The following HSD17B3 variants were observed in gnomAD, a reference collection of about 807,000 sequenced individuals.
The protein encoded by HSD17B3 is 17-beta-hydroxysteroid dehydrogenase type 3.
Under a neutral mutation model 41.1 loss-of-function variants are expected in HSD17B3, and 29 were observed. That is an observed-to-expected ratio of 0.71 (90% CI 0.53 to 0.96). The LOEUF (loss-of-function observed/expected upper bound fraction) is 0.96, where lower values mean the gene tolerates loss of function less well. Ranked by LOEUF, HSD17B3 falls within the 40% of genes least tolerant of loss-of-function variation. HSD17B3 has a pLI of 0.00. For synonymous variants in HSD17B3, 126 were observed against 145.6 expected (o/e 0.87, Z 0.97); for missense variants, 323 against 374.6 (o/e 0.86, Z 1.14).
chr9:96,242,005 G>GAAAGAAAGAAAGAAAGAGAA (rs10639457), intron 9 of HSD17B3, among the ~76,000 whole-genome samples: 1 of 68,530 alleles, frequency 1.5e-5, no homozygotes, highest in African/African-American at 5.9e-5. Context: ...AAGAAAGAAA[G>GAAAGAAAGAAAGAAAGAGAA]AGAAAGAAAA....
chr9:96,262,532 C>G (rs2130746790), intron 2 of HSD17B3, among the ~76,000 whole-genome samples: 1 of 152,108 alleles, frequency 6.6e-6, no homozygotes, highest in South Asian at 2.1e-4. Context: ...GTGTGAGCCA[C>G]CACACCCAGC....
At chr9:96,291,426 A>G (rs1827152898) in intron 2 of HSD17B3, among the ~76,000 whole-genome samples, 1 of 149,908 alleles carries the variant, frequency 6.7e-6, no homozygotes, top group South Asian at 2.1e-4. Flanking sequence ...GGTAGAAACT[A>G]GTCAGTTCCC....
At chr9:96,250,579 T>C in intron 5 of HSD17B3, 2 of 638,142 alleles carry the variant, frequency 3.1e-6, no homozygotes, top group Non-Finnish European at 2.0e-6. Context: ...GGTCAACAAA[T>C]TGTGCCTTCA....
chr9:96,260,001 T>C (rs774334522), intron 2 of HSD17B3, among the ~76,000 whole-genome samples: 10 of 152,188 alleles, frequency 6.6e-5, no homozygotes, highest in Non-Finnish European at 1.0e-4. Flanking sequence ...TCCTATACAA[T>C]GTTAAGCAGT....
intron 2 of HSD17B3, among the ~76,000 whole-genome samples, chr9:96,282,974 A>AGCACAACAG (rs1826754969): frequency 6.6e-6 from 1 of 150,998 alleles, no homozygotes; most frequent in East Asian, 1.9e-4. Flanking sequence ...TTGGAATAAA[A>AGCACAACAG]GCACAACAGG....
chr9:96,298,441 C>T lies in HSD17B3; in HGVS notation c.176G>A (p.Gly59Glu). 1 of 1,613,872 alleles carries T rather than the reference C, an allele frequency of 6.2e-7. No individual in the cohort carries two copies. Among genetic ancestry groups the T allele is most frequent in the Non-Finnish European group, 8.5e-7 (1 of 1,179,752 alleles). Residue 59 changes from glycine to glutamate, a missense_variant, in exon 2 of 11, where the codon GGA (glycine) becomes GAA (glutamate). Transcript: ENST00000375263. ...CTCGAACGAGTACGCTTTCCCAATT[C>T]CATCGCCTGCTCCAGTGATCACTGT... ...QWAVITGAGDGIGKAYSFELA... is the reference protein window; with the variant it reads ...QWAVITGAGDEIGKAYSFELA...
chr9:96,259,367 C>T (rs1439325284), intron 2 of HSD17B3, among the ~76,000 whole-genome samples: 2 of 152,154 alleles, frequency 1.3e-5, no homozygotes, highest in African/African-American at 2.4e-5. Context: ...CCTGTCTCTA[C>T]CACTTATTTC....
chr9:96,252,949 C>G, intron 3 of HSD17B3, 39 bp from the exon 4 acceptor site: 1 of 1,240,304 alleles, frequency 8.1e-7, no homozygotes, highest in Non-Finnish European at 1.2e-6. Flanking sequence ...GAACAGGGAT[C>G]CAAATGCCCC....
intron 2 of HSD17B3, among the ~76,000 whole-genome samples, chr9:96,259,069 G>T (rs943218639): frequency 6.6e-6 from 1 of 152,164 alleles, no homozygotes. Context: ...CTCTGGAGAA[G>T]ATATGCCCCT....
At chr9:96,275,943 A>G (rs1826432843) in intron 2 of HSD17B3, among the ~76,000 whole-genome samples, 1 of 151,932 alleles carries the variant, frequency 6.6e-6, no homozygotes, top group East Asian at 1.9e-4. Context: ...CCCAGTCAAA[A>G]GGCATAGAGT....
intron 9 of HSD17B3, 143 bp from the exon 10 acceptor site, chr9:96,241,050 C>G (rs1025360322): frequency 1.0e-6 from 1 of 974,230 alleles, no homozygotes; most frequent in Admixed American, 2.1e-5. Flanking sequence ...TGGAAAAAGG[C>G]ACAGTACCGG....
chr9:96,281,674 T>TAGGC (rs1826696790), intron 2 of HSD17B3, among the ~76,000 whole-genome samples: 1 of 152,180 alleles, frequency 6.6e-6, no homozygotes, highest in South Asian at 2.1e-4. Context: ...GTGACAGGAT[T>TAGGC]AGGCATGTAC....
chr9:96,267,675 C>T (rs8190530), intron 2 of HSD17B3, among the ~76,000 whole-genome samples: 42,741 of 151,260 alleles, frequency 0.28, 6,818 homozygotes, highest in Non-Finnish European at 0.37. Flanking sequence ...AATCCTTTTG[C>T]AGAAAGGAAA....
At chr9:96,263,591 T>G (rs539651959) in intron 2 of HSD17B3, among the ~76,000 whole-genome samples, 131 of 149,834 alleles carry the variant, frequency 8.7e-4, no homozygotes, top group Non-Finnish European at 1.6e-3. Context: ...AAGCCAGGCG[T>G]GGTGGCGGGC....
intron 6 of HSD17B3, among the ~76,000 whole-genome samples, chr9:96,248,236 A>G (rs1337251790): frequency 6.6e-6 from 1 of 152,234 alleles, no homozygotes; most frequent in Non-Finnish European, 1.5e-5. Context: ...ATCAATTGCT[A>G]AGCACAAAAA....
In HSD17B3 at chr9:96,296,317, C is replaced by T. The variant is rs189811409; in HGVS notation, c.201+2099G>A. Among the ~76,000 whole-genome samples the T allele has an allele frequency of 1.4e-4, 21 of 152,282 alleles. No individual in the cohort carries two copies. In the East Asian group the frequency reaches 4.1e-3, roughly 29 times the overall value. ...CTCTGCTCTCTGCCGTGTGAAGCTA[C>T]ATCAAGAAGACAATTGTCTGCAAAC... On this transcript the variant is annotated intron_variant, in intron 2 of 10. Transcript: ENST00000375263.
At chr9:96,266,378 T>C (rs1029980288) in intron 2 of HSD17B3, among the ~76,000 whole-genome samples, 1 of 152,024 alleles carries the variant, frequency 6.6e-6, no homozygotes, top group Non-Finnish European at 1.5e-5. Context: ...GCTTAAGTGA[T>C]CCTCCCACCT....
At chr9:96,271,352 T>G (rs567892297) in intron 2 of HSD17B3, among the ~76,000 whole-genome samples, 1 of 152,314 alleles carries the variant, frequency 6.6e-6, no homozygotes, top group Non-Finnish European at 1.5e-5. Context: ...GGGCAAAAAT[T>G]AAACAATTTT....
intron 2 of HSD17B3, 95 bp from the exon 3 acceptor site, chr9:96,255,038 T>G: frequency 9.9e-7 from 1 of 1,005,314 alleles, no homozygotes. Flanking sequence ...GTGCACATAC[T>G]GGCAGGGTGA....
Sources: gnomAD v4.1 joint callset for allele counts (sites outside exome capture counted in the v4.1 genomes callset) on GRCh38, gnomAD v4.1.1 for gene constraint, MANE v1.5 for transcripts, NCBI Gene and HGNC (gene_info 2026-07-23, HGNC 2026-07-21) for gene names.